The following RORA variants were observed in gnomAD, a reference collection of about 807,000 sequenced individuals.
RORA encodes RAR related orphan receptor A.
A neutral mutation model predicts 69.5 loss-of-function variants in RORA; 7 were observed. The ratio of observed to expected loss-of-function variants is 0.10; its 90% CI spans 0.06 to 0.19. The LOEUF (loss-of-function observed/expected upper bound fraction) is 0.19, where lower values mean the gene tolerates loss of function less well. RORA is among the 10% of genes least tolerant of loss of function. The pLI, the probability that RORA is intolerant of heterozygous loss-of-function variation, is 1.00. For missense variants in RORA, 457 were observed against 663.0 expected, an observed-to-expected ratio of 0.69 and a Z score of 3.41; for synonymous variants, 261 against 240.8, an observed-to-expected ratio of 1.08 and a Z score of -0.78.
intron 2 of RORA, among the ~76,000 whole-genome samples, chr15:60,533,420 A>G (rs2066585985): frequency 6.6e-6 from 1 of 152,232 alleles, no homozygotes; most frequent in African/African-American, 2.4e-5. Context: ...GGTTGCATTC[A>G]ACAAAAGTTG....
Position 60,654,779 on chromosome 15 carries a change from C to T in RORA, c.196+23878G>A, listed in dbSNP as rs76859896. Among the ~76,000 whole-genome samples the T allele has an allele frequency of 2.5e-3, 384 of 152,192 alleles. 3 individuals carry two copies. The highest frequency in any genetic ancestry group is 8.7e-3 in the African/African-American group (361 of 41,536). Reference sequence around the variant, plus strand: ...GACAGAAGTAGACTGGACGATGCTACGTCGCTGACTTTGGAGACAGAGGAA... The same window carrying T: ...GACAGAAGTAGACTGGACGATGCTATGTCGCTGACTTTGGAGACAGAGGAA... On this transcript the variant is annotated intron_variant, in intron 2 of 10. Coordinates refer to ENST00000335670, the MANE Select transcript of RORA (RefSeq NM_134261.3).
At chr15:60,913,529 GTCCTTTA>G (rs1891789316) in intron 1 of RORA, among the ~76,000 whole-genome samples, 2 of 152,360 alleles carry the variant, frequency 1.3e-5, no homozygotes, top group South Asian at 4.1e-4. Context: ...AGGCTGTGCT[GTCCTTTA>G]TCTCAGGGCA....
intron 1 of RORA, among the ~76,000 whole-genome samples, chr15:60,985,623 T>A (rs1384731676): frequency 7.5e-6 from 1 of 133,718 alleles, no homozygotes; most frequent in Admixed American, 8.9e-5. Context: ...TCTCACTCTG[T>A]CACGAGGCTG....
intron 1 of RORA, among the ~76,000 whole-genome samples, chr15:61,013,918 C>T (rs946709852): frequency 1.5e-4 from 22 of 151,216 alleles, no homozygotes; most frequent in African/African-American, 4.9e-4. Flanking sequence ...CGAGTAGCTG[C>T]GTCTACAGGC....
At chr15:60,671,905 C>T (rs182001973) in intron 2 of RORA, among the ~76,000 whole-genome samples, 34 of 151,992 alleles carry the variant, frequency 2.2e-4, no homozygotes, top group East Asian at 1.4e-3. Flanking sequence ...AGCCACCAAG[C>T]CCAGCCAGCA....
At chr15:60,655,662 A>ACTT (rs751404324) in intron 2 of RORA, among the ~76,000 whole-genome samples, 2 of 152,216 alleles carry the variant, frequency 1.3e-5, no homozygotes, top group South Asian at 2.1e-4. Flanking sequence ...GTCTCCTACT[A>ACTT]CTTCTACCTT....
chr15:60,541,379 T>G (rs949182174), intron 2 of RORA, among the ~76,000 whole-genome samples: 2 of 152,360 alleles, frequency 1.3e-5, no homozygotes, highest in East Asian at 1.9e-4. Context: ...CCAGGCATAC[T>G]AATGACCAAA....
chr15:60,872,592 C>T (rs1418792205), intron 1 of RORA, among the ~76,000 whole-genome samples: 1 of 152,176 alleles, frequency 6.6e-6, no homozygotes, highest in East Asian at 1.9e-4. Flanking sequence ...AGTGGAATCA[C>T]TTCTCTATTT....
intron 1 of RORA, among the ~76,000 whole-genome samples, chr15:60,814,364 C>G (rs1049632683): frequency 2.6e-5 from 4 of 152,104 alleles, no homozygotes; most frequent in Admixed American, 2.6e-4. Context: ...GTGGGAGAGG[C>G]GAAGGGGATC....
chr15:61,200,694 G>A (rs1238856397), intron 1 of RORA, among the ~76,000 whole-genome samples: 4 of 152,124 alleles, frequency 2.6e-5, no homozygotes, highest in African/African-American at 4.8e-5. Flanking sequence ...TATCAACATC[G>A]GAGACGGCCG....
intron 1 of RORA, among the ~76,000 whole-genome samples, chr15:60,821,758 C>T (rs1240531847): frequency 1.3e-5 from 2 of 152,212 alleles, no homozygotes; most frequent in African/African-American, 4.8e-5. Context: ...CTCCTTTGTG[C>T]AATACTTGCT....
intron 1 of RORA, among the ~76,000 whole-genome samples, chr15:60,966,984 G>C (rs1449918113): frequency 1.3e-5 from 2 of 152,144 alleles, no homozygotes; most frequent in African/African-American, 4.8e-5. Flanking sequence ...CACCTCAGCA[G>C]AATGATCCTG....
At chr15:60,916,934 G>C (rs182971812) in intron 1 of RORA, among the ~76,000 whole-genome samples, 1 of 152,170 alleles carries the variant, frequency 6.6e-6, no homozygotes, top group East Asian at 1.9e-4. Context: ...TCTTAATAAA[G>C]TCTAATTTGG....
intron 2 of RORA, among the ~76,000 whole-genome samples, chr15:60,573,906 A>G (rs1454401755): frequency 1.3e-5 from 2 of 152,164 alleles, no homozygotes. Context: ...GAAGGCAGGG[A>G]CCACTTCTTT....
intron 2 of RORA, among the ~76,000 whole-genome samples, chr15:60,653,194 G>A (rs2070169996): frequency 1.3e-5 from 2 of 152,186 alleles, no homozygotes; most frequent in Admixed American, 6.5e-5. Context: ...ATTGGGCAAA[G>A]CCCAAACCCT....
intron 1 of RORA, among the ~76,000 whole-genome samples, chr15:61,080,239 C>T (rs1028063982): frequency 6.6e-6 from 1 of 152,200 alleles, no homozygotes; most frequent in African/African-American, 2.4e-5. Context: ...TTTATTCATC[C>T]TTTAGTCTAA....
intron 2 of RORA, among the ~76,000 whole-genome samples, chr15:60,540,322 C>T (rs2066821618): frequency 6.6e-6 from 1 of 152,146 alleles, no homozygotes; most frequent in Non-Finnish European, 1.5e-5. Flanking sequence ...CAGAAAAGAA[C>T]ATCTTTAAAA....
intron 1 of RORA, among the ~76,000 whole-genome samples, chr15:60,858,137 T>C (rs2073400109): frequency 6.6e-6 from 1 of 152,166 alleles, no homozygotes; most frequent in Non-Finnish European, 1.5e-5. Context: ...TATATAACGT[T>C]ACTATGGAGA....
intron 1 of RORA, among the ~76,000 whole-genome samples, chr15:61,219,689 C>T (rs1251685540): frequency 6.6e-6 from 1 of 152,214 alleles, no homozygotes; most frequent in East Asian, 1.9e-4. Context: ...TAGTCACAGT[C>T]TTGCTGCTTA....
Sources: gnomAD v4.1 joint callset for allele counts (sites outside exome capture counted in the v4.1 genomes callset) on GRCh38, gnomAD v4.1.1 for gene constraint, MANE v1.5 for transcripts, NCBI Gene and HGNC (gene_info 2026-07-23, HGNC 2026-07-21) for gene names.